Variants in FBXL2 observed in about 807,000 individuals in gnomAD.
FBXL2 encodes F-box and leucine rich repeat protein 2.
FBXL2 carries 38 observed loss-of-function variants against 69.2 expected under a neutral mutation model. The ratio of observed to expected loss-of-function variants is 0.55; its 90% confidence interval spans 0.42 to 0.72. The LOEUF (loss-of-function observed/expected upper bound fraction) is 0.72, where lower values mean the gene tolerates loss of function less well. Ranked by LOEUF, FBXL2 falls within the 30% of genes least tolerant of loss-of-function variation. The pLI, the probability that FBXL2 is intolerant of heterozygous loss-of-function variation, is 0.00. For synonymous variants in FBXL2, 192 were observed against 201.3 expected, an observed-to-expected ratio of 0.95 and a Z score of 0.39; for missense variants, 354 against 520.3, an observed-to-expected ratio of 0.68 and a Z score of 3.11.
intron 2 of FBXL2, among the ~76,000 whole-genome samples, chr3:33,310,750 G>T (rs2037119469): frequency 6.6e-6 from 1 of 151,442 alleles, no homozygotes; most frequent in South Asian, 2.1e-4. Flanking sequence ...TTCTTAGTAG[G>T]GAGGGTTTTT....
At chr3:33,394,057 CCCAGGCTGGA>C (rs1559664762) in intron 12 of FBXL2, among the ~76,000 whole-genome samples, 8 of 151,648 alleles carry the variant, frequency 5.3e-5, no homozygotes, top group Non-Finnish European at 1.2e-4. Flanking sequence ...TTTTTTGTTG[CCCAGGCTGGA>C]GTGCAGTGAC....
At chr3:33,411,790 G>C in the FBXL2 span, 1 of 907,112 alleles carries the variant, frequency 1.1e-6, no homozygotes, top group Non-Finnish European at 1.7e-6. Context: ...TAACTGCTTT[G>C]AACTCTGTCT....
chr3:33,361,007 C>T (rs1316091114), intron 4 of FBXL2, among the ~76,000 whole-genome samples: 1 of 140,670 alleles, frequency 7.1e-6, no homozygotes, highest in Non-Finnish European at 1.5e-5. Context: ...TCTCGGCTCA[C>T]TGCAAACTCC....
chr3:33,341,691 A>G (rs1405150604), intron 2 of FBXL2, among the ~76,000 whole-genome samples: 4 of 151,508 alleles, frequency 2.6e-5, no homozygotes, highest in African/African-American at 9.7e-5. Flanking sequence ...TTAGCCGATC[A>G]TGGTGGTGGG....
intron 1 of FBXL2, among the ~76,000 whole-genome samples, chr3:33,286,623 C>A (rs966987956): frequency 2.0e-5 from 3 of 152,218 alleles, no homozygotes; most frequent in African/African-American, 7.2e-5. Flanking sequence ...TCAGCTGTGC[C>A]CTGCCCCCAG....
At chr3:33,373,988 C>T in intron 9 of FBXL2, 67 bp downstream of exon 9, 1 of 1,488,738 alleles carries the variant, frequency 6.7e-7, no homozygotes, top group Non-Finnish European at 9.4e-7. Context: ...CTGCCTCAGG[C>T]CTCCCTGCAG....
Position 33,383,992 on chromosome 3 carries a change from C to A in FBXL2, c.955C>A (p.Leu319Met). The A allele has an allele frequency of 1.2e-6, 2 of 1,613,962 alleles. No individual in the cohort carries two copies. The highest frequency in any genetic ancestry group is 1.7e-6 in the Non-Finnish European group (2 of 1,179,878). The change falls in exon 14 of 15, where the codon CTG becomes ATG. Residue 319 changes from leucine to methionine, a missense_variant. Leu to Met is a conservative substitution (Grantham distance 15, BLOSUM62 2). Transcript: ENST00000484457. ...TACTCATGTCTTCCTGTTCCAGAGC[C>A]TGTCCCACTGTGAACTCATCACAGA... ...IHCPKLQALSLSHCELITDDG... is the reference protein window; with the variant it reads ...IHCPKLQALSMSHCELITDDG...
chr3:33,364,743 TG>T (rs2041843411), intron 5 of FBXL2, 24 bp downstream of exon 5: 1 of 1,575,904 alleles, frequency 6.3e-7, no homozygotes, highest in Admixed American at 1.7e-5. Context: ...AGTGACTCAC[TG>T]TCATGGCAGC....
intron 1 of FBXL2, among the ~76,000 whole-genome samples, chr3:33,284,738 G>T (rs1022281081): frequency 3.9e-5 from 6 of 152,280 alleles, no homozygotes; most frequent in Non-Finnish European, 7.4e-5. Context: ...TCCTGTATTG[G>T]GTGCATATAT....
chr3:33,377,851 T>C (rs2042746622), intron 11 of FBXL2, among the ~76,000 whole-genome samples: 1 of 152,148 alleles, frequency 6.6e-6, no homozygotes, highest in Non-Finnish European at 1.5e-5. Context: ...GGGAAGGTTG[T>C]AGACAACTCT....
intron 2 of FBXL2, among the ~76,000 whole-genome samples, chr3:33,333,239 AT>A (rs1193011761): frequency 2.0e-5 from 3 of 152,222 alleles, no homozygotes; most frequent in Non-Finnish European, 4.4e-5. Flanking sequence ...TTGGGTAAAA[AT>A]AAGTATTGAT....
intron 2 of FBXL2, among the ~76,000 whole-genome samples, chr3:33,357,631 G>A (rs939901034): frequency 6.9e-5 from 10 of 145,720 alleles, no homozygotes; most frequent in Non-Finnish European, 1.3e-4. Context: ...CCGGGTTCAC[G>A]CCATTCTCCT....
At chr3:33,357,723 G>T (rs1284010160) in intron 2 of FBXL2, among the ~76,000 whole-genome samples, 1 of 151,962 alleles carries the variant, frequency 6.6e-6, no homozygotes, top group East Asian at 1.9e-4. Context: ...TAGAGATGGG[G>T]TTTCACCGTG....
intron 2 of FBXL2, among the ~76,000 whole-genome samples, chr3:33,341,443 T>G (rs1223852265): frequency 6.6e-6 from 1 of 151,962 alleles, no homozygotes; most frequent in Non-Finnish European, 1.5e-5. Context: ...GATGATAAAT[T>G]GAATAATAAA....
At chr3:33,397,308 G>T in intron 12 of FBXL2, 1 of 480,746 alleles carries the variant, frequency 2.1e-6, no homozygotes, top group Non-Finnish European at 3.6e-6. Context: ...TCAGAGCCAA[G>T]GAAAATGCTG....
Position 33,378,620 on chromosome 3 carries a change from G to C in FBXL2, c.895-65G>C. 4 of 1,496,290 alleles carry C rather than the reference G, an allele frequency of 2.7e-6. No individual in the cohort carries two copies. In the South Asian group the frequency reaches 5.1e-5, roughly 19 times the overall value. The allele number at this position is 1,496,290 out of a possible 1,614,324, so 92.7% of individuals were successfully genotyped here. A position where few individuals can be genotyped will look rare whatever the true frequency, so the allele number is the denominator to read the frequency against. On this transcript the variant is annotated intron_variant, in intron 12 of 14. Coordinates refer to ENST00000484457, the MANE Select transcript of FBXL2 (RefSeq NM_012157.5). ...CACCTTTTGATTCTCGTGTTCAGGA[G>C]AAGCCAGGATTAGGTATTAAGTTCT... is the stretch of plus-strand genomic sequence containing the variant.
the FBXL2 span, chr3:33,414,087 T>C: frequency 7.8e-6 from 1 of 128,400 alleles, no homozygotes; most frequent in Non-Finnish European, 1.6e-5. Context: ...AAGGTTGGAC[T>C]AAAATACTAA....
intron 1 of FBXL2, among the ~76,000 whole-genome samples, chr3:33,286,403 C>T (rs547095859): frequency 6.6e-6 from 1 of 152,192 alleles, no homozygotes; most frequent in African/African-American, 2.4e-5. Context: ...CTGGAAGCTT[C>T]GTCTCAGATG....
chr3:33,372,893 G>A (rs1196657740), intron 5 of FBXL2, 199 bp from the exon 6 acceptor site: 1 of 616,926 alleles, frequency 1.6e-6, no homozygotes, highest in Non-Finnish European at 2.9e-6. Flanking sequence ...CATCACCTGG[G>A]AGTTTCTTTG....
Sources: gnomAD v4.1 joint callset for allele counts (sites outside exome capture counted in the v4.1 genomes callset) on GRCh38, gnomAD v4.1.1 for gene constraint, MANE v1.5 for transcripts, NCBI Gene and HGNC (gene_info 2026-07-23, HGNC 2026-07-21) for gene names.